The following DNAH9 variants were observed in gnomAD, a reference collection of about 807,000 sequenced individuals.
DNAH9 encodes the protein dynein axonemal heavy chain 9, also known as DNAH9 variant protein.
Under a neutral mutation model 471.6 loss-of-function variants are expected in DNAH9, and 345 were observed. That is an observed-to-expected ratio of 0.73 (90% CI 0.67 to 0.80). DNAH9 has a LOEUF of 0.80. Ranked by LOEUF, DNAH9 falls within the 30% of genes least tolerant of loss-of-function variation. The pLI is 0.00. For synonymous variants in DNAH9, 2,093 were observed against 2,123.6 expected (o/e 0.99, Z 0.40); for missense variants, 5,407 against 5,609.2 (o/e 0.96, Z 1.15).
intron 40 of DNAH9, 87 bp from the exon 41 acceptor site, chr17:11,784,213 G>A: frequency 6.3e-7 from 1 of 1,580,306 alleles, no homozygotes; most frequent in Non-Finnish European, 8.6e-7. Flanking sequence ...GGCTGTATAA[G>A]AATTTTCTGT....
chr17:11,748,609 A>T (rs377245868), intron 32 of DNAH9, among the ~76,000 whole-genome samples: 3 of 152,140 alleles, frequency 2.0e-5, no homozygotes, highest in South Asian at 2.1e-4. Context: ...CAATCTCAAG[A>T]GGGCCCCTAG....
At position 11,923,811 on chromosome 17, in the gene DNAH9, T is replaced by C. The variant is rs1239617632; in HGVS notation, c.11750-3T>C. The C allele has an allele frequency of 6.2e-7, 1 of 1,613,656 alleles. No individual in the cohort carries two copies. The highest frequency in any genetic ancestry group is 8.5e-7 in the Non-Finnish European group (1 of 1,179,750). ...AATAATGACGCCTCCATCCTCCTTT[T>C]AGGAAGAAAACTTGGATACACCTTC... On this transcript the variant is annotated splice_region_variant and splice_polypyrimidine_tract_variant and intron_variant, in intron 61 of 68. Transcript: ENST00000262442.
chr17:11,684,676 G>A (rs2074205466), intron 19 of DNAH9, among the ~76,000 whole-genome samples: 1 of 152,206 alleles, frequency 6.6e-6, no homozygotes, highest in Non-Finnish European at 1.5e-5. Flanking sequence ...CCAGCTCAAT[G>A]AAGACCATTC....
intron 41 of DNAH9, among the ~76,000 whole-genome samples, chr17:11,786,988 C>T (rs371026497): frequency 6.6e-6 from 1 of 152,214 alleles, no homozygotes; most frequent in African/African-American, 2.4e-5. Flanking sequence ...CCCTCACTCT[C>T]CTACTCTAAG....
chr17:11,635,082 T>C (rs2073135960), intron 8 of DNAH9, among the ~76,000 whole-genome samples: 1 of 152,244 alleles, frequency 6.6e-6, no homozygotes, highest in African/African-American at 2.4e-5. Flanking sequence ...CATTTTTTTC[T>C]ACAAAAGGTC....
At chr17:11,704,072 G>C in intron 24 of DNAH9, 131 bp from the exon 25 acceptor site, 1 of 1,013,038 alleles carries the variant, frequency 9.9e-7, no homozygotes, top group South Asian at 1.5e-5. Flanking sequence ...CTTAGTCAGT[G>C]CTGGTGGAAG....
rs2072976932 is a variant in DNAH9 at position 11,626,742 on chromosome 17, T to C, written c.1351-2675T>C. Among the ~76,000 whole-genome samples, 1 of 152,232 alleles carries C rather than the reference T, an allele frequency of 6.6e-6. No individual in the cohort carries two copies. The highest frequency in any genetic ancestry group is 1.5e-5 in the Non-Finnish European group (1 of 68,034). On this transcript the variant is annotated intron_variant, in intron 6 of 68. Transcript: ENST00000262442. The surrounding 1 kb of genome is among the most constrained non-coding windows in gnomAD (Gnocchi z 4.3). ...CACTTGACCAGGGTCCTATGGACAT[T>C]GAAATGTCCTTCCTTATAATTCTCT...
intron 19 of DNAH9, among the ~76,000 whole-genome samples, chr17:11,682,222 ACT>A (rs2074145096): frequency 6.6e-6 from 1 of 151,534 alleles, no homozygotes; most frequent in Non-Finnish European, 1.5e-5. Context: ...TACTCATCTT[ACT>A]CTCTGTAACT....
At chr17:11,768,339 A>G in intron 36 of DNAH9, 114 bp from the exon 37 acceptor site, 1 of 1,104,546 alleles carries the variant, frequency 9.1e-7, no homozygotes, top group African/African-American at 1.6e-5. Flanking sequence ...CGGCAGGCCC[A>G]CACAGGGAGG....
chr17:11,688,095 A>G (rs1439138627), intron 19 of DNAH9, among the ~76,000 whole-genome samples: 2 of 143,376 alleles, frequency 1.4e-5, no homozygotes, highest in African/African-American at 5.5e-5. Flanking sequence ...AAAAAAAAAA[A>G]AAAAAGAAAA....
rs748842909 is a variant in DNAH9, at chr17:11,854,324, G to C, written c.9829G>C (p.Glu3277Gln). ...SWVINIVRFY[E>Q]VFCDVEPKRQ... ...GGTCATCAATATTGTGAGATTTTAT[G>C]AGGTGTTCTGTGATGTGGAACCCAA... Residue 3277 changes from glutamate to glutamine, a missense_variant, in exon 50 of 69, where the codon GAG (glutamate) becomes CAG (glutamine). By Grantham distance (29) the Glu-to-Gln change is conservative. Coordinates refer to ENST00000262442, the MANE Select transcript of DNAH9 (RefSeq NM_001372.4). The C allele has an allele frequency of 3.1e-6, 5 of 1,614,074 alleles. No homozygotes were observed. Among genetic ancestry groups the C allele is most frequent in the Non-Finnish European group, 4.2e-6 (5 of 1,180,018 alleles).
intron 10 of DNAH9, among the ~76,000 whole-genome samples, chr17:11,640,754 A>G (rs1242968661): frequency 6.6e-6 from 1 of 152,088 alleles, no homozygotes; most frequent in African/African-American, 2.4e-5. Context: ...GTGTTTCCTC[A>G]AGTGCAGTAT....
chr17:11,877,829 G>C (rs1972563113), intron 53 of DNAH9, among the ~76,000 whole-genome samples: 2 of 152,086 alleles, frequency 1.3e-5, no homozygotes, highest in Admixed American at 1.3e-4. Flanking sequence ...CCACCTCCTG[G>C]GTTGAAGCTA....
intron 45 of DNAH9, among the ~76,000 whole-genome samples, chr17:11,815,868 C>T (rs972839716): frequency 1.1e-4 from 16 of 152,158 alleles, no homozygotes; most frequent in African/African-American, 3.4e-4. Context: ...AGAATGAACT[C>T]CAAGCTTCTT....
chr17:11,873,222 A>G (rs953469531), intron 52 of DNAH9, among the ~76,000 whole-genome samples: 1 of 152,244 alleles, frequency 6.6e-6, no homozygotes, highest in African/African-American at 2.4e-5. Flanking sequence ...GTGAATGAAG[A>G]AGAAGAGCTC....
intron 9 of DNAH9, among the ~76,000 whole-genome samples, chr17:11,639,550 C>T (rs1402312239): frequency 1.3e-5 from 2 of 152,158 alleles, no homozygotes; most frequent in African/African-American, 4.8e-5. Context: ...CATTCATCAT[C>T]TTATGGAATT....
chr17:11,682,224 T>C (rs1000238281), intron 19 of DNAH9, among the ~76,000 whole-genome samples: 2 of 152,040 alleles, frequency 1.3e-5, no homozygotes, highest in Admixed American at 6.5e-5. Flanking sequence ...CTCATCTTAC[T>C]CTCTGTAACT....
chr17:11,622,809 A>G (rs1401236195), intron 6 of DNAH9, among the ~76,000 whole-genome samples: 2 of 152,146 alleles, frequency 1.3e-5, no homozygotes, highest in African/African-American at 2.4e-5. Context: ...GCACAGGTGC[A>G]TAAAAAGCAG....
chr17:11,884,087 C>G (rs935544032), intron 56 of DNAH9, among the ~76,000 whole-genome samples: 2 of 152,114 alleles, frequency 1.3e-5, no homozygotes, highest in African/African-American at 2.4e-5. Flanking sequence ...TGTGGAATTG[C>G]CCTGAAGCTA....
Sources: gnomAD v4.1 joint callset for allele counts (sites outside exome capture counted in the v4.1 genomes callset) on GRCh38, gnomAD v4.1.1 for gene constraint, Gnocchi (gnomAD v3.1) non-coding constraint, MANE v1.5 for transcripts, NCBI Gene and HGNC (gene_info 2026-07-23, HGNC 2026-07-21) for gene names.